The following DCDC2 variants were observed in gnomAD, a reference collection of about 807,000 sequenced individuals.
DCDC2 encodes the protein doublecortin domain containing 2, also known as doublecortin domain-containing protein 2.
A neutral mutation model predicts 50.2 loss-of-function variants in DCDC2; 40 were observed. The ratio of observed to expected loss-of-function variants is 0.80; its 90% confidence interval spans 0.62 to 1.04. The LOEUF is 1.04. DCDC2 is among the 50% of genes least tolerant of loss of function. DCDC2 has a pLI of 0.00. For synonymous variants in DCDC2, 234 were observed against 210.6 expected, an observed-to-expected ratio of 1.11 and a Z score of -0.96; for missense variants, 570 against 581.9, an observed-to-expected ratio of 0.98 and a Z score of 0.21.
chr6:24,176,110 C>G (rs964285039), intron 9 of DCDC2, among the ~76,000 whole-genome samples: 1 of 151,864 alleles, frequency 6.6e-6, no homozygotes, highest in African/African-American at 2.4e-5. Context: ...CTGTGCAACA[C>G]AGGGAGGGAG....
chr6:24,291,702 G>A, intron 4 of DCDC2, among the ~76,000 whole-genome samples: 1 of 151,718 alleles, frequency 6.6e-6, no homozygotes, highest in African/African-American at 2.4e-5. Context: ...AGCCGGGATG[G>A]TCTCGATCTC....
upstream of DCDC2, among the ~76,000 whole-genome samples, chr6:24,359,972 C>T (rs924137678): frequency 6.6e-6 from 1 of 152,172 alleles, no homozygotes; most frequent in Non-Finnish European, 1.5e-5. Flanking sequence ...CCGACACTCG[C>T]GTGCTGGAGA....
In DCDC2 at chr6:24,172,202, T is replaced by A. The variant is rs1011519648; in HGVS notation, c.*2528A>T. ...CACAATTTTAATTCCAAGTGAATGG[T>A]TTTTTCCTTGGCTAGGCACCTTTTT... On this transcript the variant is annotated 3_prime_UTR_variant, in exon 10 of 10. Coordinates refer to ENST00000378454, the MANE Select transcript of DCDC2 (RefSeq NM_016356.5). 1.3e-5 allele frequency: 2 copies of A among 152,184 alleles called. No homozygotes were observed. The highest frequency in any genetic ancestry group is 4.8e-5 in the African/African-American group (2 of 41,448). The allele number at this position is 152,184 out of a possible 1,614,324, so 9.4% of individuals were successfully genotyped here.
intron 4 of DCDC2, among the ~76,000 whole-genome samples, chr6:24,293,998 A>T (rs779660984): frequency 2.6e-5 from 4 of 152,208 alleles, no homozygotes; most frequent in Non-Finnish European, 5.9e-5. Context: ...AAAATACAAC[A>T]TACCAGAATC....
intron 2 of DCDC2, among the ~76,000 whole-genome samples, chr6:24,352,701 G>C (rs928687535): frequency 6.6e-6 from 1 of 152,144 alleles, no homozygotes; most frequent in African/African-American, 2.4e-5. Context: ...AGAGGAAATG[G>C]TGAGTGTTGA....
intron 7 of DCDC2, among the ~76,000 whole-genome samples, chr6:24,269,952 G>A (rs111960144): frequency 0.016 from 2,404 of 152,050 alleles, 46 homozygotes; most frequent in Middle Eastern, 0.024. Flanking sequence ...TAGAAGGGAT[G>A]AAAATCAATC....
At chr6:24,380,944 G>A in the DCDC2 span, among the ~76,000 whole-genome samples, 1 of 152,064 alleles carries the variant, frequency 6.6e-6, no homozygotes, top group East Asian at 1.9e-4. Context: ...CTAACCAGGT[G>A]TGGTGGTGTG....
At chr6:24,292,257 A>G (rs1763768083) in intron 4 of DCDC2, among the ~76,000 whole-genome samples, 1 of 152,220 alleles carries the variant, frequency 6.6e-6, no homozygotes, top group South Asian at 2.1e-4. Context: ...AGCAAGAGCT[A>G]TTAATAAATG....
chr6:24,271,751 T>C (rs1260708124), intron 7 of DCDC2, among the ~76,000 whole-genome samples: 1 of 152,196 alleles, frequency 6.6e-6, no homozygotes, highest in Non-Finnish European at 1.5e-5. Flanking sequence ...GGCAGCACAA[T>C]GCAATAATTA....
chr6:24,331,863 T>G (rs1451462331), intron 2 of DCDC2, among the ~76,000 whole-genome samples: 1 of 152,158 alleles, frequency 6.6e-6, no homozygotes, highest in East Asian at 1.9e-4. Context: ...TGTTGCTTCC[T>G]CAGCAACCAG....
At chr6:24,271,474 G>A (rs868839964) in intron 7 of DCDC2, among the ~76,000 whole-genome samples, 4 of 152,058 alleles carry the variant, frequency 2.6e-5, no homozygotes, top group African/African-American at 7.2e-5. Flanking sequence ...AGAGGATCAC[G>A]CTAATAGAAG....
chr6:24,358,374 G>T, upstream of DCDC2: 1 of 164,998 alleles, frequency 6.1e-6, no homozygotes. Context: ...TACTTTGAGG[G>T]GCCCAGGCGG....
intron 7 of DCDC2, among the ~76,000 whole-genome samples, chr6:24,215,639 C>G (rs566094945): frequency 6.6e-6 from 1 of 152,260 alleles, no homozygotes; most frequent in Admixed American, 6.5e-5. Flanking sequence ...AAAGGCAATA[C>G]ATATTAAAAT....
At chr6:24,359,606 A>T (rs1434291945), upstream of DCDC2, among the ~76,000 whole-genome samples, 1 of 132,580 alleles carries the variant, frequency 7.5e-6, no homozygotes, top group Non-Finnish European at 1.5e-5. Context: ...TCAGAGAGAG[A>T]AAGAGAGAAT....
chr6:24,202,129 A>G (rs533850054), intron 8 of DCDC2, among the ~76,000 whole-genome samples: 1 of 152,298 alleles, frequency 6.6e-6, no homozygotes, highest in African/African-American at 2.4e-5. Flanking sequence ...TCCCTAATTC[A>G]TTTTATGAGG....
chr6:24,180,322 T>C (rs1385912534), intron 8 of DCDC2, among the ~76,000 whole-genome samples: 2 of 152,042 alleles, frequency 1.3e-5, no homozygotes, highest in Admixed American at 6.6e-5. Context: ...TCTTGCTCTG[T>C]CGCCCTGGCT....
chr6:24,240,004 TAAAAG>T (rs2113790631), intron 7 of DCDC2, among the ~76,000 whole-genome samples: 1 of 152,286 alleles, frequency 6.6e-6, no homozygotes, highest in African/African-American at 2.4e-5. Flanking sequence ...TGTACAAAGA[TAAAAG>T]AAATTATATG....
At chr6:24,320,046 T>C (rs1257847094) in intron 2 of DCDC2, among the ~76,000 whole-genome samples, 2 of 152,196 alleles carry the variant, frequency 1.3e-5, no homozygotes, top group Non-Finnish European at 2.9e-5. Flanking sequence ...ATTCTTACTA[T>C]ATACTGAAGT....
intron 1 of DCDC2, among the ~76,000 whole-genome samples, chr6:24,354,739 G>A (rs1025950249): frequency 6.6e-6 from 1 of 152,106 alleles, no homozygotes; most frequent in African/African-American, 2.4e-5. Context: ...CAATGCACAG[G>A]GAAAGTTTTG....
Sources: gnomAD v4.1 joint callset for allele counts (sites outside exome capture counted in the v4.1 genomes callset) on GRCh38, gnomAD v4.1.1 for gene constraint, MANE v1.5 for transcripts, NCBI Gene and HGNC (gene_info 2026-07-23, HGNC 2026-07-21) for gene names.